PKNOX1: variants seen among roughly 807,000 people sequenced by gnomAD.
The protein encoded by PKNOX1 is homeobox protein PKNOX1.
In PKNOX1, 15 loss-of-function variants were observed where a neutral mutation model predicts 51.9. The observed-to-expected ratio is 0.29, with a 90% CI of 0.19 to 0.45. PKNOX1 has a LOEUF of 0.45. PKNOX1 is among the 20% of genes least tolerant of loss of function. The pLI is 1.00. For synonymous variants in PKNOX1, 219 were observed against 211.1 expected (o/e 1.04, Z -0.32); for missense variants, 462 against 547.5 (o/e 0.84, Z 1.56).
intron 9 of PKNOX1, among the ~76,000 whole-genome samples, chr21:43,026,698 A>G (rs1391156236): frequency 6.6e-6 from 1 of 152,176 alleles, no homozygotes; most frequent in Non-Finnish European, 1.5e-5. Flanking sequence ...TGGAGGTTGC[A>G]GTGAGCCCAG....
Position 42,979,746 on chromosome 21 carries a change from A to G in PKNOX1, c.-57+5082A>G, listed in dbSNP as rs915296963. Among the ~76,000 whole-genome samples the G allele has an allele frequency of 4.0e-5, 6 of 151,396 alleles. No individual in the cohort carries two copies. In the East Asian group the frequency reaches 9.7e-4, roughly 24 times the overall value. ...GACACAGCGAGACTCCATCTCAGAA[A>G]AAAAGAAAAAAGAAAAATGAGGTGC... On this transcript the variant is annotated intron_variant, in intron 1 of 10. Coordinates refer to ENST00000291547, the MANE Select transcript of PKNOX1 (RefSeq NM_004571.5).
intron 1 of PKNOX1, among the ~76,000 whole-genome samples, chr21:42,995,590 A>T (rs1468130988): frequency 7.0e-5 from 10 of 143,252 alleles, no homozygotes; most frequent in Non-Finnish European, 1.3e-4. Context: ...AAGTGTGAGG[A>T]TTGCTTTAAC....
Position 43,012,373 on chromosome 21 carries a change from A to G in PKNOX1, c.352-695A>G, listed in dbSNP as rs1979292210. ...TCAGGAGTTCGTGAACAGCCTGACC[A>G]ACATGGTGAAACCCCATCTCTACTA... is the stretch of plus-strand genomic sequence containing the variant. On this transcript the variant is annotated intron_variant, in intron 4 of 10. Transcript: ENST00000291547. 2.6e-5 allele frequency among the ~76,000 whole-genome samples: 4 copies of G among 152,186 alleles called. No individual in the cohort carries two copies. In the South Asian group the frequency reaches 8.3e-4, roughly 32 times the overall value.
intron 9 of PKNOX1, among the ~76,000 whole-genome samples, chr21:43,026,358 CTTTCT>C (rs1214608885): frequency 6.6e-6 from 1 of 152,114 alleles, no homozygotes; most frequent in African/African-American, 2.4e-5. Context: ...CTTTTTGTGA[CTTTCT>C]TTTCTTTTGT....
Position 43,028,754 on chromosome 21 carries a change from T to C in PKNOX1, c.979T>C (p.Ser327Pro). Residue 327 changes from serine (S) to proline (P), a missense_variant, in exon 10 of 11, where the codon TCA becomes CCA. Ser to Pro is a moderately conservative substitution (Grantham distance 74). Around this residue, in one of 5 missense-constraint regions of PKNOX1, gnomAD observed 75 missense variants for 129.8 expected, o/e 0.58. Transcript: ENST00000291547. ...TCAGCCAATGTTGGATTCAAGTTGT[T>C]CAGAGACCCCCAAAACAAAGAAAAA... ...ILQPMLDSSC[S>P]ETPKTKKKTA... The C allele has an allele frequency of 6.2e-7, 1 of 1,614,168 alleles. No individual in the cohort carries two copies.
chr21:43,032,146 C>T lies in PKNOX1; in HGVS notation c.*2045C>T, dbSNP rs1237773810. 3 of 456,142 alleles carry T rather than the reference C, an allele frequency of 6.6e-6. No homozygotes were observed. The Admixed American group carries it at 7.0e-5, about 11-fold the overall frequency. 28.3% of individuals were successfully genotyped at this position (456,142 alleles called of 1,614,324 possible). A position where few individuals can be genotyped will look rare whatever the true frequency, so the allele number is the denominator to read the frequency against. Reference sequence around the variant, plus strand: ...AAGTGCTGGGATTACAGGTGTGAGCCACCGCGCCCGGCCGAGAATGACATC... The same window carrying T: ...AAGTGCTGGGATTACAGGTGTGAGCTACCGCGCCCGGCCGAGAATGACATC... On this transcript the variant is annotated 3_prime_UTR_variant, in exon 11 of 11. Coordinates refer to ENST00000291547, the MANE Select transcript of PKNOX1 (RefSeq NM_004571.5).
intron 1 of PKNOX1, among the ~76,000 whole-genome samples, chr21:42,992,294 G>C (rs1470233187): frequency 6.6e-6 from 1 of 152,174 alleles, no homozygotes; most frequent in Admixed American, 6.6e-5. Context: ...CAGAGGTCAG[G>C]CTGTGTAGAA....
At chr21:42,977,566 A>C (rs535647929) in intron 1 of PKNOX1, among the ~76,000 whole-genome samples, 397 of 30,510 alleles carry the variant, frequency 0.013, 3 homozygotes, top group African/African-American at 0.044. Context: ...TTTTTTTTTG[A>C]GATGGATTTT....
At chr21:43,012,161 C>G (rs1191524641) in intron 4 of PKNOX1, among the ~76,000 whole-genome samples, 1 of 152,220 alleles carries the variant, frequency 6.6e-6, no homozygotes, top group African/African-American at 2.4e-5. Context: ...TTCGGAGCTG[C>G]TGATTCATAG....
At chr21:42,987,119 C>T (rs1299478169) in intron 1 of PKNOX1, among the ~76,000 whole-genome samples, 1 of 151,964 alleles carries the variant, frequency 6.6e-6, no homozygotes, top group Non-Finnish European at 1.5e-5. Flanking sequence ...CGGTGGCTCA[C>T]ACCTGCAATC....
intron 2 of PKNOX1, among the ~76,000 whole-genome samples, chr21:43,006,230 TCTC>T: frequency 6.6e-6 from 1 of 152,262 alleles, no homozygotes; most frequent in South Asian, 2.1e-4. Context: ...TTCAAGCAAT[TCTC>T]CTGTCTCAGC....
intron 2 of PKNOX1, among the ~76,000 whole-genome samples, chr21:43,006,637 G>A (rs576673717): frequency 1.2e-4 from 19 of 152,288 alleles, no homozygotes; most frequent in African/African-American, 4.3e-4. Flanking sequence ...TGTGAGAGGC[G>A]TCCTGTGCGG....
At chr21:42,986,827 G>T (rs1388831478) in intron 1 of PKNOX1, among the ~76,000 whole-genome samples, 2 of 150,902 alleles carry the variant, frequency 1.3e-5, no homozygotes, top group Admixed American at 1.3e-4. Flanking sequence ...CTTTATAAAT[G>T]CCTCAGTGTT....
At chr21:42,982,202 T>C (rs1234457533) in intron 1 of PKNOX1, among the ~76,000 whole-genome samples, 2 of 152,094 alleles carry the variant, frequency 1.3e-5, no homozygotes, top group Non-Finnish European at 2.9e-5. Flanking sequence ...GGAGTGGTGC[T>C]TGGGGAGGAA....
At chr21:42,988,292 G>T (rs1788472) in intron 1 of PKNOX1, among the ~76,000 whole-genome samples, 135,879 of 151,934 alleles carry the variant, frequency 0.89, 60,858 homozygotes, top group Non-Finnish European at 0.91. Flanking sequence ...CTCATGATCC[G>T]CCCACCTCGG....
In PKNOX1 at chr21:43,028,758, A is replaced by T; in HGVS notation, c.983A>T (p.Glu328Val). 6.2e-7 allele frequency: 1 copy of T among 1,614,186 alleles called. No homozygotes were observed. Among genetic ancestry groups the T allele is most frequent in the Admixed American group, 1.7e-5 (1 of 60,030 alleles). Reference sequence around the variant, plus strand: ...CCAATGTTGGATTCAAGTTGTTCAGAGACCCCCAAAACAAAGAAAAAAACT... The same window carrying T: ...CCAATGTTGGATTCAAGTTGTTCAGTGACCCCCAAAACAAAGAAAAAAACT... ...LQPMLDSSCS[E>V]TPKTKKKTAQ... is the part of the protein sequence containing the mutation. Residue 328 changes from glutamate (E) to valine (V), a missense_variant, in exon 10 of 11, where the codon GAG (glutamate) becomes GTG (valine). This residue lies in a region of PKNOX1 where 75 missense variants were observed against 129.8 expected (regional missense o/e 0.58). Coordinates refer to ENST00000291547, the MANE Select transcript of PKNOX1 (RefSeq NM_004571.5).
intron 9 of PKNOX1, among the ~76,000 whole-genome samples, chr21:43,026,958 T>C (rs1261865284): frequency 6.6e-6 from 1 of 152,112 alleles, no homozygotes; most frequent in Admixed American, 6.5e-5. Flanking sequence ...TCTTGGACTT[T>C]TAAAATTAAG....
chr21:42,996,659 T>C (rs1312061745), intron 1 of PKNOX1, among the ~76,000 whole-genome samples: 1 of 152,184 alleles, frequency 6.6e-6, no homozygotes, highest in Non-Finnish European at 1.5e-5. Flanking sequence ...CAAGTTTTGT[T>C]TATTTGGAAC....
chr21:42,996,375 C>T (rs966910816), intron 1 of PKNOX1, among the ~76,000 whole-genome samples: 3 of 152,112 alleles, frequency 2.0e-5, no homozygotes, highest in Non-Finnish European at 4.4e-5. Context: ...CTGAACTGAC[C>T]TAACAGGATT....
Sources: allele counts gnomAD v4.1 joint callset (sites outside exome capture counted in the v4.1 genomes callset), GRCh38; gene constraint gnomAD v4.1.1; regional missense constraint gnomAD v4.1.1; transcripts MANE v1.5; gene names NCBI Gene and HGNC (gene_info 2026-07-23, HGNC 2026-07-21).